CFAP46: variants seen among roughly 807,000 people sequenced by gnomAD.
CFAP46 encodes the protein cilia- and flagella-associated protein 46.
A neutral mutation model predicts 325.7 loss-of-function variants in CFAP46; 245 were observed. That is an observed-to-expected ratio of 0.75 (90% CI 0.68 to 0.84). The LOEUF (loss-of-function observed/expected upper bound fraction) is 0.84, where lower values mean the gene tolerates loss of function less well. CFAP46 is among the 40% of genes least tolerant of loss of function. The probability of loss-of-function intolerance (pLI) is 0.00; values close to 1 mark genes in which losing one functional copy is unlikely to be tolerated. For missense variants in CFAP46, 3,346 were observed against 3,543.0 expected, an observed-to-expected ratio of 0.94 and a Z score of 1.41; for synonymous variants, 1,523 against 1,495.9, an observed-to-expected ratio of 1.02 and a Z score of -0.42.
intron 11 of CFAP46, 35 bp downstream of exon 11, chr10:132,924,661 C>T (rs1457500921): frequency 4.2e-6 from 6 of 1,437,584 alleles, no homozygotes; most frequent in Non-Finnish European, 4.6e-6. Flanking sequence ...GCGCCACGCC[C>T]TCTGTGGAGG....
intron 26 of CFAP46, 48 bp downstream of exon 26, chr10:132,885,773 A>ACTCAGGCGGTGGAGGGAGCACT: frequency 7.2e-7 from 1 of 1,379,682 alleles, no homozygotes; most frequent in Non-Finnish European, 9.4e-7. Flanking sequence ...TGGGGGGAGC[A>ACTCAGGCGGTGGAGGGAGCACT]CTCAGGCGGT....
intron 48 of CFAP46, 103 bp downstream of exon 48, chr10:132,834,551 G>A (rs544582803): frequency 3.4e-5 from 50 of 1,491,710 alleles, no homozygotes; most frequent in African/African-American, 2.8e-4. Context: ...GAACAAAGGC[G>A]GCCGAGAAGG....
chr10:132,916,767 GCT>G (rs1591089738), intron 16 of CFAP46, 85 bp from the exon 17 acceptor site: 4 of 1,393,044 alleles, frequency 2.9e-6, no homozygotes, highest in Non-Finnish European at 2.8e-6. Context: ...CCTTCCCTCA[GCT>G]CTGATTTGAA....
At chr10:132,866,195 C>T (rs1265155867) in intron 34 of CFAP46, 24 bp from the exon 35 acceptor site, 15 of 1,491,044 alleles carry the variant, frequency 1.0e-5, no homozygotes, top group East Asian at 5.1e-5. Flanking sequence ...CAGCCCCAGG[C>T]GGCACGATCC....
At chr10:132,815,367 T>C (rs1306556214) in intron 50 of CFAP46, among the ~76,000 whole-genome samples, 1 of 152,192 alleles carries the variant, frequency 6.6e-6, no homozygotes, top group African/African-American at 2.4e-5. Flanking sequence ...CCTTTCTGTG[T>C]GCCTATGCTG....
At chr10:132,857,300 C>T (rs1037941141) in intron 39 of CFAP46, among the ~76,000 whole-genome samples, 1 of 152,346 alleles carries the variant, frequency 6.6e-6, no homozygotes, top group East Asian at 1.9e-4. Context: ...CCCAGGCTCT[C>T]GGCTCCATCC....
At chr10:132,900,020 C>G (rs1288463872) in intron 22 of CFAP46, among the ~76,000 whole-genome samples, 1 of 152,204 alleles carries the variant, frequency 6.6e-6, no homozygotes, top group African/African-American at 2.4e-5. Flanking sequence ...CTAGTGGACC[C>G]TCAAGACTGT....
intron 4 of CFAP46, among the ~76,000 whole-genome samples, chr10:132,940,058 C>T (rs138633044): frequency 1.3e-5 from 2 of 152,114 alleles, no homozygotes; most frequent in Non-Finnish European, 2.9e-5. Context: ...CGTCACAGCA[C>T]CCTTGGAAAT....
chr10:132,911,584 G>A (rs945993491), intron 19 of CFAP46, among the ~76,000 whole-genome samples: 2 of 152,140 alleles, frequency 1.3e-5, no homozygotes, highest in Admixed American at 6.5e-5. Context: ...GCTTTCTCTC[G>A]GGTTCTTTGA....
At chr10:132,925,842 G>A (rs1051633969) in intron 10 of CFAP46, among the ~76,000 whole-genome samples, 1 of 152,168 alleles carries the variant, frequency 6.6e-6, no homozygotes, top group Admixed American at 6.5e-5. Context: ...CCCCTGCCAC[G>A]GCACCTCTGG....
intron 17 of CFAP46, 116 bp from the exon 18 acceptor site, chr10:132,913,374 CGGGTGG>C: frequency 3.2e-6 from 1 of 309,812 alleles, no homozygotes; most frequent in Non-Finnish European, 6.5e-6. Context: ...GTGGGAGGGG[CGGGTGG>C]GCGGCGACCA....
At chr10:132,927,429 C>T (rs539608957) in intron 9 of CFAP46, among the ~76,000 whole-genome samples, 115 of 152,158 alleles carry the variant, frequency 7.6e-4, no homozygotes, top group African/African-American at 2.3e-3. Flanking sequence ...AGGTCCTCGG[C>T]GGCAGACGTC....
intron 50 of CFAP46, among the ~76,000 whole-genome samples, chr10:132,824,737 T>A (rs1393950426): frequency 3.3e-5 from 3 of 91,812 alleles, no homozygotes; most frequent in African/African-American, 9.7e-5. Flanking sequence ...GTGCTGTGTG[T>A]GTGCTGTGTG....
chr10:132,870,664 C>T (rs942355160), intron 32 of CFAP46, among the ~76,000 whole-genome samples: 1 of 152,196 alleles, frequency 6.6e-6, no homozygotes, highest in African/African-American at 2.4e-5. Flanking sequence ...CTCTTCAATC[C>T]CATGAACGCT....
At chr10:132,899,799 C>T (rs1294914971) in intron 22 of CFAP46, 133 bp from the exon 23 acceptor site, 14 of 1,070,928 alleles carry the variant, frequency 1.3e-5, no homozygotes, top group Non-Finnish European at 1.6e-5. Flanking sequence ...CCCACAAGCA[C>T]ATGTGCACAG....
intron 35 of CFAP46, among the ~76,000 whole-genome samples, chr10:132,864,571 A>T (rs1848781536): frequency 2.4e-5 from 2 of 83,236 alleles, no homozygotes. Flanking sequence ...ACCTGCAAAC[A>T]TCTGTCCCCC....
chr10:132,896,536 G>C (rs1233610239), intron 24 of CFAP46, among the ~76,000 whole-genome samples: 3 of 152,140 alleles, frequency 2.0e-5, no homozygotes, highest in African/African-American at 7.2e-5. Flanking sequence ...TAACCAAAGA[G>C]GTGAAAGACT....
intron 35 of CFAP46, among the ~76,000 whole-genome samples, chr10:132,862,291 G>T (rs1403811154): frequency 6.6e-6 from 1 of 152,202 alleles, no homozygotes; most frequent in African/African-American, 2.4e-5. Context: ...CCGGGCCCCT[G>T]CGGGGCTTGT....
intron 21 of CFAP46, 111 bp from the exon 22 acceptor site, chr10:132,908,745 C>A: frequency 7.6e-7 from 1 of 1,321,594 alleles, no homozygotes. Context: ...GAGGCGTGGC[C>A]TGTGAAGGGC....
Sources: allele counts gnomAD v4.1 joint callset (sites outside exome capture counted in the v4.1 genomes callset), GRCh38; gene constraint gnomAD v4.1.1; transcripts MANE v1.5; gene names NCBI Gene and HGNC (gene_info 2026-07-23, HGNC 2026-07-21).